PRUNE2: variants seen among roughly 807,000 people sequenced by gnomAD.
PRUNE2 encodes the protein protein prune homolog 2.
A neutral mutation model predicts 252.0 loss-of-function variants in PRUNE2; 164 were observed. That is an observed-to-expected ratio of 0.65 (90% confidence interval 0.57 to 0.74). The LOEUF is 0.74. PRUNE2 is among the 30% of genes least tolerant of loss of function. PRUNE2 has a pLI of 0.00. For synonymous variants in PRUNE2, 1,292 were observed against 1,350.2 expected, an observed-to-expected ratio of 0.96 and a Z score of 0.94; for missense variants, 3,495 against 3,711.0, an observed-to-expected ratio of 0.94 and a Z score of 1.51.
intron 15 of PRUNE2, among the ~76,000 whole-genome samples, chr9:76,630,546 A>T (rs1837106767): frequency 6.6e-6 from 1 of 152,150 alleles, no homozygotes. Flanking sequence ...TCTTTTTGAG[A>T]CAGAGTCTCG....
chr9:76,673,547 C>A (rs202175047), intron 9 of PRUNE2, among the ~76,000 whole-genome samples: 1,825 of 106,536 alleles, frequency 0.017, no homozygotes, highest in African/African-American at 0.029. Context: ...CTCCCTAACT[C>A]ATTTTATGAG....
chr9:76,875,405 G>A lies in PRUNE2; in HGVS notation c.37-21197C>T, dbSNP rs370772923. 7.9e-5 allele frequency among the ~76,000 whole-genome samples: 12 copies of A among 152,170 alleles called. No individual in the cohort carries two copies. In the East Asian group the frequency reaches 1.2e-3, roughly 15 times the overall value. ...TTTTTTGAGACAATCTTGCTCTGTC[G>A]CCCAGGCTGGAGTGCAGCGGCATGA... On this transcript the variant is annotated intron_variant, in intron 1 of 18. Transcript: ENST00000376718.
At chr9:76,673,794 A>T (rs1486729699) in intron 9 of PRUNE2, among the ~76,000 whole-genome samples, 1 of 145,350 alleles carries the variant, frequency 6.9e-6, no homozygotes, top group Non-Finnish European at 1.5e-5. Flanking sequence ...ACAGAACCAA[A>T]GACAAAAACC....
intron 6 of PRUNE2, chr9:76,778,988 T>C (rs2054088254): frequency 6.6e-6 from 1 of 152,232 alleles, no homozygotes; most frequent in South Asian, 2.1e-4. Flanking sequence ...TTGGGTTTGC[T>C]AGCTGCATCA....
intron 6 of PRUNE2, among the ~76,000 whole-genome samples, chr9:76,816,106 G>A (rs2131827310): frequency 1.3e-5 from 2 of 149,160 alleles, no homozygotes; most frequent in East Asian, 4.0e-4. Context: ...AGGTTGCAGT[G>A]AGCCGAGATT....
intron 1 of PRUNE2, among the ~76,000 whole-genome samples, chr9:76,884,159 C>A (rs1179794585): frequency 6.6e-6 from 1 of 152,096 alleles, no homozygotes; most frequent in Non-Finnish European, 1.5e-5. Flanking sequence ...GAAAGGCTTG[C>A]ACAAAGCACA....
intron 3 of PRUNE2, among the ~76,000 whole-genome samples, chr9:76,847,902 C>T (rs1345472056): frequency 1.3e-5 from 2 of 152,216 alleles, no homozygotes; most frequent in African/African-American, 2.4e-5. Context: ...GATTGACACA[C>T]ACTCGTTCCA....
At chr9:76,774,450 C>CT (rs869289049) in intron 6 of PRUNE2, among the ~76,000 whole-genome samples, 5,992 of 41,274 alleles carry the variant, frequency 0.15, 948 homozygotes, top group East Asian at 0.21. Flanking sequence ...CAGTTCAACC[C>CT]TTTTTTTTTT....
chr9:76,680,245 A>T (rs560555378), intron 9 of PRUNE2, among the ~76,000 whole-genome samples: 4 of 152,242 alleles, frequency 2.6e-5, no homozygotes, highest in African/African-American at 9.6e-5. Flanking sequence ...GCCAACGAGC[A>T]TATGAAAAGA....
chr9:76,716,807 C>A (rs471083), intron 6 of PRUNE2, among the ~76,000 whole-genome samples: 8 of 151,084 alleles, frequency 5.3e-5, no homozygotes, highest in Non-Finnish European at 1.2e-4. Context: ...ATTCCCTCCC[C>A]TCGCCCCCCA....
At chr9:76,660,726 G>T (rs1397169634) in intron 9 of PRUNE2, among the ~76,000 whole-genome samples, 1 of 144,616 alleles carries the variant, frequency 6.9e-6, no homozygotes, top group Non-Finnish European at 1.5e-5. Flanking sequence ...AAGTTGCAGA[G>T]AGCCGAGATT....
chr9:76,828,206 G>A (rs117473064), intron 4 of PRUNE2, among the ~76,000 whole-genome samples: 1 of 152,336 alleles, frequency 6.6e-6, no homozygotes, highest in Non-Finnish European at 1.5e-5. Context: ...AGGATAACTA[G>A]GGACTTAAGG....
At chr9:76,644,547 G>A in intron 12 of PRUNE2, 192 bp downstream of exon 12, 1 of 699,940 alleles carries the variant, frequency 1.4e-6, no homozygotes, top group Non-Finnish European at 2.6e-6. Context: ...AGTTGTCTTT[G>A]CCTAGTAGGA....
At chr9:76,675,251 G>A (rs1265765970) in intron 9 of PRUNE2, among the ~76,000 whole-genome samples, 5 of 38,806 alleles carry the variant, frequency 1.3e-4, no homozygotes, top group African/African-American at 2.7e-4. Flanking sequence ...AAAAGTGGGC[G>A]AAGGACATGA....
chr9:76,616,029 A>G (rs1829466046), intron 18 of PRUNE2, among the ~76,000 whole-genome samples: 1 of 150,498 alleles, frequency 6.6e-6, no homozygotes, highest in Admixed American at 6.7e-5. Flanking sequence ...CAGCCTCCCA[A>G]AGTGCTGGGA....
At chr9:76,805,809 G>A (rs1351013344) in intron 6 of PRUNE2, among the ~76,000 whole-genome samples, 1 of 152,180 alleles carries the variant, frequency 6.6e-6, no homozygotes, top group African/African-American at 2.4e-5. Flanking sequence ...GAATAATGAA[G>A]TAAGAACAGG....
chr9:76,652,689 G>C lies in PRUNE2; in HGVS notation c.8357-6C>G. On this transcript the variant is annotated splice_region_variant and splice_polypyrimidine_tract_variant and intron_variant, in intron 10 of 18. Transcript: ENST00000376718. The stretch of plus-strand genomic sequence containing the variant: ...ATCCAGAGAATTAGGAGGTTCTAAA[G>C]AAGAAAGAGAACAGCAACATCAAGT... 6.3e-7 allele frequency: 1 copy of C among 1,589,552 alleles called. No homozygotes were observed. The highest frequency in any genetic ancestry group is 8.6e-7 in the Non-Finnish European group (1 of 1,158,310).
intron 4 of PRUNE2, among the ~76,000 whole-genome samples, chr9:76,843,047 T>G (rs1379981066): frequency 6.6e-6 from 1 of 152,090 alleles, no homozygotes; most frequent in Non-Finnish European, 1.5e-5. Flanking sequence ...TGCCGCACTA[T>G]TCACAAAGAC....
intron 6 of PRUNE2, among the ~76,000 whole-genome samples, chr9:76,730,857 C>T (rs1296145396): frequency 3.3e-5 from 5 of 152,118 alleles, no homozygotes; most frequent in African/African-American, 9.7e-5. Flanking sequence ...GAGCTGTGAT[C>T]GCACCACTGC....
Sources: allele counts gnomAD v4.1 joint callset (sites outside exome capture counted in the v4.1 genomes callset), GRCh38; gene constraint gnomAD v4.1.1; transcripts MANE v1.5; gene names NCBI Gene and HGNC (gene_info 2026-07-23, HGNC 2026-07-21).